ADAM12: variants seen among roughly 807,000 people sequenced by gnomAD.
ADAM12 encodes ADAM metallopeptidase domain 12, also known as disintegrin and metalloproteinase domain-containing protein 12.
A neutral mutation model predicts 106.4 loss-of-function variants in ADAM12; 70 were observed. The observed-to-expected ratio is 0.66, with a 90% CI of 0.54 to 0.80. ADAM12 has a LOEUF of 0.80. Among genes scored for constraint, ADAM12 ranks in the 30% least tolerant of loss-of-function variants. The pLI is 0.00. For synonymous variants in ADAM12, 420 were observed against 433.5 expected, an observed-to-expected ratio of 0.97 and a Z score of 0.39; for missense variants, 1,010 against 1,171.9, an observed-to-expected ratio of 0.86 and a Z score of 2.02.
chr10:126,064,645 C>A lies in ADAM12; in HGVS notation c.1609+161G>T. 6.5e-6 allele frequency: 5 copies of A among 766,710 alleles called. No homozygotes were observed. Among genetic ancestry groups the A allele is most frequent in the South Asian group, 5.6e-5 (3 of 53,836 alleles). 47.5% of individuals were successfully genotyped at this position (766,710 alleles called of 1,614,324 possible). A position where few individuals can be genotyped will look rare whatever the true frequency, so the allele number is the denominator to read the frequency against. ...ACCCCATGCCCAGTGCGGCCTCAGACCCTCCCTGGGAGTCAATCACTCCCG... is the reference window on the plus strand; with the variant it reads ...ACCCCATGCCCAGTGCGGCCTCAGAACCTCCCTGGGAGTCAATCACTCCCG... On this transcript the variant is annotated intron_variant, in intron 14 of 22. Coordinates refer to ENST00000448723, the MANE Select transcript of ADAM12 (RefSeq NM_001288973.2). This position sits in a 1 kb window ranked among gnomAD's most constrained non-coding sequence, Gnocchi z 4.4.
At chr10:126,084,912 C>T (rs567095463) in intron 11 of ADAM12, among the ~76,000 whole-genome samples, 2 of 152,328 alleles carry the variant, frequency 1.3e-5, no homozygotes, top group Admixed American at 6.5e-5. Flanking sequence ...TCAGTGTGCT[C>T]ACCTGTAAAA....
At chr10:126,309,954 T>C (rs1256870286) in intron 2 of ADAM12, among the ~76,000 whole-genome samples, 1 of 151,624 alleles carries the variant, frequency 6.6e-6, no homozygotes, top group Non-Finnish European at 1.5e-5. Flanking sequence ...AGGTCAGAAG[T>C]TCAAGACCAG....
chr10:126,165,175 CT>C (rs1349729352), intron 3 of ADAM12, among the ~76,000 whole-genome samples: 9 of 149,622 alleles, frequency 6.0e-5, no homozygotes, highest in Non-Finnish European at 6.0e-5. Flanking sequence ...GGGGCATTCA[CT>C]TTTTTTTTTG....
chr10:126,040,334 G>GGTAA (rs892480588), intron 18 of ADAM12, among the ~76,000 whole-genome samples: 12 of 152,316 alleles, frequency 7.9e-5, no homozygotes, highest in Admixed American at 6.5e-4. Context: ...CTTCACATCA[G>GGTAA]GTAAGTGTGC....
chr10:126,356,306 G>A (rs1478195323), intron 1 of ADAM12, among the ~76,000 whole-genome samples: 7 of 152,204 alleles, frequency 4.6e-5, no homozygotes, highest in Non-Finnish European at 1.0e-4. Context: ...CCAGCCAGTA[G>A]TTCTGCCTAA....
At chr10:126,278,302 GTTGT>G (rs1290961084) in intron 3 of ADAM12, among the ~76,000 whole-genome samples, 4 of 152,110 alleles carry the variant, frequency 2.6e-5, no homozygotes, top group African/African-American at 9.7e-5. Flanking sequence ...AAGAAAACGA[GTTGT>G]TTGTCTTACG....
chr10:126,055,686 T>A (rs1379838177), intron 14 of ADAM12, among the ~76,000 whole-genome samples: 3 of 152,158 alleles, frequency 2.0e-5, no homozygotes, highest in Non-Finnish European at 4.4e-5. Flanking sequence ...TACTTGACTA[T>A]AGACTCCTGT....
At chr10:126,220,270 G>A (rs571332738) in intron 3 of ADAM12, among the ~76,000 whole-genome samples, 77 of 152,226 alleles carry the variant, frequency 5.1e-4, no homozygotes, top group African/African-American at 8.7e-4. Context: ...GAGTACTCAC[G>A]AGGTGCCGAG....
intron 3 of ADAM12, among the ~76,000 whole-genome samples, chr10:126,232,930 C>A (rs1958340986): frequency 6.6e-6 from 1 of 151,916 alleles, no homozygotes; most frequent in Non-Finnish European, 1.5e-5. Context: ...CTGATGGAGG[C>A]AGAGGAAGGA....
chr10:126,347,793 C>T (rs1416556070), intron 1 of ADAM12, among the ~76,000 whole-genome samples: 1 of 152,074 alleles, frequency 6.6e-6, no homozygotes, highest in African/African-American at 2.4e-5. Flanking sequence ...TTATTTGAAA[C>T]TTTATGTGTT....
chr10:126,214,748 T>C (rs1025995867), intron 3 of ADAM12, among the ~76,000 whole-genome samples: 22 of 152,218 alleles, frequency 1.4e-4, no homozygotes, highest in African/African-American at 5.1e-4. Flanking sequence ...ATGATGTTCA[T>C]TATGACTCAG....
chr10:126,143,155 C>G (rs897695284), intron 4 of ADAM12, among the ~76,000 whole-genome samples: 4 of 145,256 alleles, frequency 2.8e-5, no homozygotes, highest in Non-Finnish European at 6.0e-5. Context: ...TGTATATATG[C>G]ACGTGTATAT....
intron 3 of ADAM12, among the ~76,000 whole-genome samples, chr10:126,170,930 C>A (rs534612604): frequency 6.6e-6 from 1 of 152,276 alleles, no homozygotes; most frequent in South Asian, 2.1e-4. Flanking sequence ...CTAATGCTGT[C>A]GAGAACCCTA....
At chr10:126,264,504 T>C (rs554108771) in intron 3 of ADAM12, among the ~76,000 whole-genome samples, 67 of 152,340 alleles carry the variant, frequency 4.4e-4, no homozygotes, top group Admixed American at 2.0e-3. Context: ...TCTCCACTTA[T>C]GTTGAATCTA....
chr10:126,318,321 T>C (rs1285778145), intron 2 of ADAM12, among the ~76,000 whole-genome samples: 1 of 150,436 alleles, frequency 6.6e-6, no homozygotes, highest in Non-Finnish European at 1.5e-5. Context: ...CACACTCACA[T>C]ATACTTTCAC....
At chr10:126,274,109 A>G (rs952822220) in intron 3 of ADAM12, among the ~76,000 whole-genome samples, 2 of 152,134 alleles carry the variant, frequency 1.3e-5, no homozygotes, top group African/African-American at 4.8e-5. Flanking sequence ...AGACTCCATC[A>G]TCCACTCATT....
intron 3 of ADAM12, among the ~76,000 whole-genome samples, chr10:126,263,693 T>C (rs535410827): frequency 6.6e-6 from 1 of 152,360 alleles, no homozygotes; most frequent in South Asian, 2.1e-4. Flanking sequence ...GAATCTTTTC[T>C]ATAATATGAT....
rs1479428252 is a variant in ADAM12 at position 126,330,417 on chromosome 10, A to C, written c.181T>G (p.Ser61Ala). ...DLWIPVKSFD[S>A]KNHPEVLNIR... ...AGAAAAGGAGAGGAACTCACCTTGG[A>C]GTCGAAGCTCTTCACTGGGATCCAG... Residue 61 changes from serine to alanine, a missense_variant, in exon 2 of 23, where the codon TCC (serine) becomes GCC (alanine). This residue lies in a region of ADAM12 where 391 missense variants were observed against 442.9 expected (regional missense o/e 0.88). Coordinates refer to ENST00000448723, the MANE Select transcript of ADAM12 (RefSeq NM_001288973.2). The C allele has an allele frequency of 6.2e-7, 1 of 1,612,082 alleles. No homozygotes were observed. The highest frequency in any genetic ancestry group is 1.3e-5 in the African/African-American group (1 of 74,782).
intron 1 of ADAM12, among the ~76,000 whole-genome samples, chr10:126,365,544 C>A (rs1855880564): frequency 6.6e-6 from 1 of 152,010 alleles, no homozygotes. Flanking sequence ...GCTGGGAAGG[C>A]CTCAGGAAAC....
Sources: allele counts gnomAD v4.1 joint callset (sites outside exome capture counted in the v4.1 genomes callset), GRCh38; gene constraint gnomAD v4.1.1; regional missense constraint gnomAD v4.1.1; non-coding constraint Gnocchi (gnomAD v3.1); transcripts MANE v1.5; gene names NCBI Gene and HGNC (gene_info 2026-07-23, HGNC 2026-07-21).